Variants in FGF12 observed in about 807,000 individuals in gnomAD.
The protein encoded by FGF12 is fibroblast growth factor 12B.
Under a neutral mutation model 23.6 loss-of-function variants are expected in FGF12, and 14 were observed. The ratio of observed to expected loss-of-function variants is 0.59; its 90% CI spans 0.39 to 0.93. The LOEUF (loss-of-function observed/expected upper bound fraction) is 0.93. Among genes scored for constraint, FGF12 ranks in the 40% least tolerant of loss-of-function variants. The pLI is 0.00. For missense variants in FGF12, 175 were observed against 217.8 expected (o/e 0.80, Z 1.24); for synonymous variants, 62 against 77.3 (o/e 0.80, Z 1.04).
intron 5 of FGF12, among the ~76,000 whole-genome samples, chr3:192,147,094 C>G (rs1007490251): frequency 1.3e-5 from 2 of 152,160 alleles, no homozygotes; most frequent in Admixed American, 1.3e-4. Flanking sequence ...TTCTATACTT[C>G]TGTTAACCAA....
chr3:192,643,563 TC>T (rs1174355839), intron 2 of FGF12, among the ~76,000 whole-genome samples: 5 of 152,226 alleles, frequency 3.3e-5, no homozygotes, highest in African/African-American at 1.2e-4. Flanking sequence ...TTTTCCTTGT[TC>T]TTTTAAATAA....
In FGF12 at chr3:192,463,638, T is replaced by C. The variant is rs75997747; in HGVS notation, c.14-103100A>G. Reference sequence around the variant, plus strand: ...TGATTCCCAAAAACCACCCGACACCTTCCCAGCCCAGCACAGTGGCTGGCA... The same window carrying C: ...TGATTCCCAAAAACCACCCGACACCCTCCCAGCCCAGCACAGTGGCTGGCA... On this transcript the variant is annotated intron_variant, in intron 2 of 5. Transcript: ENST00000445105. 4.4e-3 allele frequency among the ~76,000 whole-genome samples: 667 copies of C among 152,222 alleles called. 2 individuals carry two copies. The highest frequency in any genetic ancestry group is 0.015 in the African/African-American group (623 of 41,532).
At chr3:192,594,775 G>A (rs1452532136) in intron 2 of FGF12, among the ~76,000 whole-genome samples, 1 of 151,868 alleles carries the variant, frequency 6.6e-6, no homozygotes, top group Admixed American at 6.6e-5. Flanking sequence ...CTCACCAGAC[G>A]CAACCCCTCA....
intron 2 of FGF12, among the ~76,000 whole-genome samples, chr3:192,694,780 A>T (rs1207856608): frequency 6.6e-6 from 1 of 152,100 alleles, no homozygotes; most frequent in East Asian, 1.9e-4. Context: ...CCAGGCACAG[A>T]GAGGCATACA....
intron 4 of FGF12, among the ~76,000 whole-genome samples, chr3:192,313,538 A>G (rs1345104987): frequency 6.6e-6 from 1 of 152,222 alleles, no homozygotes; most frequent in African/African-American, 2.4e-5. Context: ...ATATCTAGCA[A>G]TCTGCAATGA....
Position 192,408,315 on chromosome 3 carries a change from A to G in FGF12, c.14-47777T>C. ...GAGGGCAGGACCTGGGCGGCCAGGG[A>G]AAGGGCAGTCGCGGGGAGGCAGTGC... On this transcript the variant is annotated intron_variant, in intron 2 of 5. Transcript: ENST00000445105. The surrounding 1 kb of genome is among the most constrained non-coding windows in gnomAD (Gnocchi z 7.3). The G allele has an allele frequency of 6.9e-7, 1 of 1,447,846 alleles. No individual in the cohort carries two copies. The highest frequency in any genetic ancestry group is 1.4e-5 in the South Asian group (1 of 70,148). 89.7% of individuals were successfully genotyped at this position (1,447,846 alleles called of 1,614,324 possible).
At chr3:192,588,172 C>T (rs1189641618) in intron 2 of FGF12, among the ~76,000 whole-genome samples, 1 of 150,462 alleles carries the variant, frequency 6.6e-6, no homozygotes, top group Non-Finnish European at 1.5e-5. Context: ...GGTGAAACCC[C>T]GTCTCTACTG....
chr3:192,403,366 A>C (rs1484525371), intron 2 of FGF12, among the ~76,000 whole-genome samples: 2 of 152,190 alleles, frequency 1.3e-5, no homozygotes, highest in African/African-American at 4.8e-5. Context: ...TCTTGATGAG[A>C]TCTCTGTGGG....
At position 192,412,446 on chromosome 3, in the gene FGF12, A is replaced by G. The variant is rs547569495; in HGVS notation, c.14-51908T>C. Among the ~76,000 whole-genome samples, 190 of 152,352 alleles carry G rather than the reference A, an allele frequency of 1.2e-3. 2 individuals carry two copies. Among genetic ancestry groups the G allele is most frequent in the Middle Eastern group, 0.01 (3 of 294 alleles). On this transcript the variant is annotated intron_variant, in intron 2 of 5. Transcript: ENST00000445105. ...AGTTAGGCATTTAAAGAACAGAACAAAAACAATGTCAGCTTTCTGGGAGCA... is the reference window on the plus strand; with the variant it reads ...AGTTAGGCATTTAAAGAACAGAACAGAAACAATGTCAGCTTTCTGGGAGCA...
At chr3:192,304,868 A>C (rs1715536475) in intron 4 of FGF12, among the ~76,000 whole-genome samples, 1 of 152,204 alleles carries the variant, frequency 6.6e-6, no homozygotes, top group Admixed American at 6.5e-5. Flanking sequence ...TTGCTGTATA[A>C]GCTCCTTTGA....
At chr3:192,198,827 A>T (rs901681952) in intron 4 of FGF12, among the ~76,000 whole-genome samples, 5 of 152,212 alleles carry the variant, frequency 3.3e-5, no homozygotes, top group African/African-American at 1.2e-4. Context: ...AGGAAATTTC[A>T]TGTTGTTTAC....
intron 2 of FGF12, among the ~76,000 whole-genome samples, chr3:192,605,546 A>T (rs369276154): frequency 5.9e-5 from 9 of 152,320 alleles, no homozygotes; most frequent in East Asian, 1.9e-4. Flanking sequence ...CTAACAACAG[A>T]GTAAACAGAC....
At chr3:192,374,687 A>AT (rs1162613663) in intron 2 of FGF12, among the ~76,000 whole-genome samples, 10 of 151,886 alleles carry the variant, frequency 6.6e-5, no homozygotes, top group Non-Finnish European at 1.0e-4. Flanking sequence ...TGAAGTTAGT[A>AT]TTTTTTTTCT....
chr3:192,539,401 T>A (rs1253785174), intron 2 of FGF12, among the ~76,000 whole-genome samples: 1 of 152,200 alleles, frequency 6.6e-6, no homozygotes, highest in African/African-American at 2.4e-5. Flanking sequence ...GAAATGATCA[T>A]GTGTTTTTTG....
chr3:192,301,194 T>G (rs993505024), intron 4 of FGF12, among the ~76,000 whole-genome samples: 1 of 151,912 alleles, frequency 6.6e-6, no homozygotes, highest in Non-Finnish European at 1.5e-5. Context: ...GTTTGCAATA[T>G]CTGGAAGGGG....
intron 4 of FGF12, among the ~76,000 whole-genome samples, chr3:192,182,496 C>T (rs183969324): frequency 1.3e-5 from 2 of 152,060 alleles, no homozygotes; most frequent in African/African-American, 4.8e-5. Flanking sequence ...ATGGCCCCTT[C>T]CTCTGAAAAA....
At chr3:192,260,024 T>G (rs984437729) in intron 4 of FGF12, among the ~76,000 whole-genome samples, 2 of 152,140 alleles carry the variant, frequency 1.3e-5, no homozygotes, top group African/African-American at 4.8e-5. Flanking sequence ...TAGCCTAAGT[T>G]TATAATTTGC....
At chr3:192,602,565 C>G (rs529981634) in intron 2 of FGF12, among the ~76,000 whole-genome samples, 2 of 152,220 alleles carry the variant, frequency 1.3e-5, no homozygotes, top group Admixed American at 1.3e-4. Context: ...CAGGCATGTA[C>G]AAGTTGCTGC....
intron 4 of FGF12, among the ~76,000 whole-genome samples, chr3:192,319,487 C>T (rs1716415408): frequency 6.6e-6 from 1 of 151,992 alleles, no homozygotes; most frequent in African/African-American, 2.4e-5. Context: ...ATCCCAGCTA[C>T]TCAGGAGACT....
Sources: allele counts gnomAD v4.1 joint callset (sites outside exome capture counted in the v4.1 genomes callset), GRCh38; gene constraint gnomAD v4.1.1; non-coding constraint Gnocchi (gnomAD v3.1); transcripts MANE v1.5; gene names NCBI Gene and HGNC (gene_info 2026-07-23, HGNC 2026-07-21).